GAS2: variants seen among roughly 807,000 people sequenced by gnomAD.
GAS2 encodes the protein growth arrest-specific protein 2.
Under a neutral mutation model 37.5 loss-of-function variants are expected in GAS2, and 20 were observed. The ratio of observed to expected loss-of-function variants is 0.53; its 90% CI spans 0.37 to 0.77. The LOEUF is 0.77. Among genes scored for constraint, GAS2 ranks in the 30% least tolerant of loss-of-function variants. GAS2 has a pLI of 0.00. For missense variants in GAS2, 336 were observed against 373.4 expected (o/e 0.90, Z 0.82); for synonymous variants, 144 against 132.2 (o/e 1.09, Z -0.61).
At chr11:22,662,671 A>G (rs1848927918), upstream of GAS2, among the ~76,000 whole-genome samples, 2 of 152,030 alleles carry the variant, frequency 1.3e-5, no homozygotes, top group Non-Finnish European at 1.5e-5. Context: ...AAAAAAAAAC[A>G]CCTTCAACTT....
chr11:22,710,991 T>C (rs1851378291), intron 3 of GAS2, among the ~76,000 whole-genome samples: 1 of 152,188 alleles, frequency 6.6e-6, no homozygotes, highest in Admixed American at 6.5e-5. Flanking sequence ...AGCTCCCACT[T>C]AGATGGACAG....
At chr11:22,786,966 A>G (rs974239837) in intron 7 of GAS2, among the ~76,000 whole-genome samples, 2 of 152,130 alleles carry the variant, frequency 1.3e-5, no homozygotes, top group African/African-American at 4.8e-5. Context: ...AGAAATTCTG[A>G]TTTCATTTGT....
At chr11:22,777,456 C>G (rs573802000) in intron 7 of GAS2, among the ~76,000 whole-genome samples, 1 of 152,202 alleles carries the variant, frequency 6.6e-6, no homozygotes, top group South Asian at 2.1e-4. Flanking sequence ...TTGCTGAGTA[C>G]TTATAATGAG....
intron 2 of GAS2, among the ~76,000 whole-genome samples, chr11:22,676,821 T>C (rs539500965): frequency 1.3e-4 from 20 of 152,312 alleles, no homozygotes; most frequent in African/African-American, 4.8e-4. Flanking sequence ...CAAATCTTGG[T>C]TTTACCACTT....
At chr11:22,704,596 T>C (rs1590672354) in intron 3 of GAS2, among the ~76,000 whole-genome samples, 1 of 121,706 alleles carries the variant, frequency 8.2e-6, no homozygotes, top group Non-Finnish European at 1.7e-5. Context: ...AACATATATA[T>C]ATATATATAT....
At chr11:22,657,271 C>T (rs1375087210) in intron 1 of GAS2, among the ~76,000 whole-genome samples, 2 of 152,058 alleles carry the variant, frequency 1.3e-5, no homozygotes, top group Non-Finnish European at 2.9e-5. Context: ...GGGGTTGGGC[C>T]CTGGGACAGG....
chr11:22,631,696 T>C (rs1163140473), intron 1 of GAS2, among the ~76,000 whole-genome samples: 1 of 152,200 alleles, frequency 6.6e-6, no homozygotes, highest in African/African-American at 2.4e-5. Flanking sequence ...AATTATCTTT[T>C]TGATGTGCTG....
intron 4 of GAS2, among the ~76,000 whole-genome samples, chr11:22,730,206 G>C (rs1554975558): frequency 6.6e-6 from 1 of 151,764 alleles, no homozygotes; most frequent in Non-Finnish European, 1.5e-5. Flanking sequence ...AGGAAAAATA[G>C]ATAGTAATTA....
At position 22,690,762 on chromosome 11, in the gene GAS2, G is replaced by T. The variant is rs888103199; in HGVS notation, c.267+4973G>T. 2.0e-5 allele frequency among the ~76,000 whole-genome samples: 3 copies of T among 152,166 alleles called. No individual in the cohort carries two copies. In the East Asian group the frequency reaches 5.8e-4, roughly 29 times the overall value. The stretch of plus-strand genomic sequence containing the variant: ...ACTCTCAGCTACCCGATCGGAATTG[G>T]CATCTCTAATCAAGACAGGGGAATT... On this transcript the variant is annotated intron_variant, in intron 3 of 7. Coordinates refer to ENST00000454584, the MANE Select transcript of GAS2 (RefSeq NM_001143830.3).
At chr11:22,722,643 G>A (rs928980651) in intron 3 of GAS2, among the ~76,000 whole-genome samples, 3 of 151,858 alleles carry the variant, frequency 2.0e-5, no homozygotes, top group African/African-American at 7.2e-5. Context: ...TTTATTGAAG[G>A]CATTTTATGC....
intron 7 of GAS2, among the ~76,000 whole-genome samples, chr11:22,768,290 G>C (rs960858907): frequency 9.9e-5 from 15 of 152,166 alleles, no homozygotes; most frequent in Non-Finnish European, 1.5e-5. Context: ...AAAGCAAAAT[G>C]ACAACAAAAG....
chr11:22,651,150 A>C (rs2133831589), intron 1 of GAS2, among the ~76,000 whole-genome samples: 1 of 151,328 alleles, frequency 6.6e-6, no homozygotes, highest in Middle Eastern at 3.4e-3. Context: ...CTTATCTGTA[A>C]AGTATTTTAT....
chr11:22,774,286 G>A (rs1314295775), intron 7 of GAS2, among the ~76,000 whole-genome samples: 4 of 152,120 alleles, frequency 2.6e-5, no homozygotes, highest in Admixed American at 6.5e-5. Flanking sequence ...GAGCCACTGC[G>A]CCTGGCCTTT....
chr11:22,748,742 A>G (rs1315782341), intron 5 of GAS2, among the ~76,000 whole-genome samples: 2 of 152,112 alleles, frequency 1.3e-5, no homozygotes, highest in African/African-American at 4.8e-5. Context: ...TTCTATTTTT[A>G]ACAAACTTAG....
rs1590631289 is a variant in GAS2 at position 22,685,701 on chromosome 11, A to G, written c.179A>G (p.Lys60Arg). 1 of 1,613,734 alleles carries G rather than the reference A, an allele frequency of 6.2e-7. No individual in the cohort carries two copies. Reference sequence around the variant, plus strand: ...ATTACAGCAGAAACTTTTATGGAGAAGTTGGACAATGGTGCCTTGCTCTGT... The same window carrying G: ...ATTACAGCAGAAACTTTTATGGAGAGGTTGGACAATGGTGCCTTGCTCTGT... ...KEITAETFME[K>R]LDNGALLCQL... Residue 60 changes from lysine (K) to arginine (R), a missense_variant, in exon 3 of 8, where the codon AAG (lysine) becomes AGG (arginine). Coordinates refer to ENST00000454584, the MANE Select transcript of GAS2 (RefSeq NM_001143830.3).
At chr11:22,691,040 T>A (rs536316783) in intron 3 of GAS2, among the ~76,000 whole-genome samples, 8 of 152,218 alleles carry the variant, frequency 5.3e-5, no homozygotes, top group African/African-American at 1.7e-4. Flanking sequence ...GACATCAGAG[T>A]TTCTCTGGGT....
intron 1 of GAS2, among the ~76,000 whole-genome samples, chr11:22,659,524 G>GT (rs1158907500): frequency 1.3e-5 from 2 of 152,088 alleles, no homozygotes; most frequent in Non-Finnish European, 2.9e-5. Flanking sequence ...CTGGTTAAAA[G>GT]TTTTTCCTCA....
At chr11:22,733,301 G>A (rs1852575387) in intron 4 of GAS2, among the ~76,000 whole-genome samples, 1 of 151,484 alleles carries the variant, frequency 6.6e-6, no homozygotes, top group Non-Finnish European at 1.5e-5. Context: ...TCTCTACTCT[G>A]GGAAAGTAGG....
At chr11:22,780,852 T>A (rs1360801766) in intron 7 of GAS2, among the ~76,000 whole-genome samples, 1 of 152,144 alleles carries the variant, frequency 6.6e-6, no homozygotes, top group African/African-American at 2.4e-5. Context: ...TGAAATGTAT[T>A]GATTTGGAAA....
Sources: allele counts gnomAD v4.1 joint callset (sites outside exome capture counted in the v4.1 genomes callset), GRCh38; gene constraint gnomAD v4.1.1; transcripts MANE v1.5; gene names NCBI Gene and HGNC (gene_info 2026-07-23, HGNC 2026-07-21).